FAM114A1: variants seen among roughly 807,000 people sequenced by gnomAD.
FAM114A1 encodes family with sequence similarity 114 member A1, also known as protein NOXP20.
In FAM114A1, 62 loss-of-function variants were observed where a neutral mutation model predicts 64.3. The ratio of observed to expected loss-of-function variants is 0.96; its 90% CI spans 0.79 to 1.19. FAM114A1 has a LOEUF of 1.19. Among genes scored for constraint, FAM114A1 ranks in the 50% most tolerant of loss-of-function variants. FAM114A1 has a pLI of 0.00. For missense variants in FAM114A1, 645 were observed against 676.3 expected, an observed-to-expected ratio of 0.95 and a Z score of 0.51; for synonymous variants, 254 against 251.1, an observed-to-expected ratio of 1.01 and a Z score of -0.11.
intron 7 of FAM114A1, among the ~76,000 whole-genome samples, chr4:38,914,129 A>G (rs1337757286): frequency 1.3e-5 from 2 of 151,984 alleles, no homozygotes; most frequent in African/African-American, 4.8e-5. Flanking sequence ...AAAAAATTAT[A>G]ACTTAGAAAA....
intron 3 of FAM114A1, among the ~76,000 whole-genome samples, chr4:38,886,540 A>G (rs1055898885): frequency 2.0e-5 from 3 of 152,116 alleles, no homozygotes; most frequent in African/African-American, 7.2e-5. Flanking sequence ...TTTGAAAGAC[A>G]CATTTTGTTC....
rs190915511 is a variant in FAM114A1, at chr4:38,900,368, A to G, written c.437-5154A>G. Among the ~76,000 whole-genome samples the G allele has an allele frequency of 2.0e-5, 3 of 152,290 alleles. No homozygotes were observed. In the South Asian group the frequency reaches 6.2e-4, roughly 32 times the overall value. ...TCAAAAAACTAAAAACAGAATTACC[A>G]TATGATCCACCAATTCCACTTCTGA... On this transcript the variant is annotated intron_variant, in intron 4 of 14. Coordinates refer to ENST00000358869, the MANE Select transcript of FAM114A1 (RefSeq NM_138389.4).
At chr4:38,882,234 C>T (rs1470484451) in intron 3 of FAM114A1, among the ~76,000 whole-genome samples, 9 of 140,648 alleles carry the variant, frequency 6.4e-5, no homozygotes, top group African/African-American at 5.4e-5. Flanking sequence ...ATGGCGTGAA[C>T]CCGGGAAGCG....
intron 3 of FAM114A1, among the ~76,000 whole-genome samples, chr4:38,881,067 C>A (rs1715221714): frequency 6.6e-6 from 1 of 151,946 alleles, no homozygotes; most frequent in South Asian, 2.1e-4. Context: ...TGCCTGTAGT[C>A]CCAGCTGCTT....
intron 7 of FAM114A1, among the ~76,000 whole-genome samples, chr4:38,914,250 G>A (rs867384995): frequency 6.6e-6 from 1 of 151,624 alleles, no homozygotes; most frequent in South Asian, 2.1e-4. Context: ...GCTCATTATA[G>A]AAAATTTGGG....
intron 2 of FAM114A1, among the ~76,000 whole-genome samples, chr4:38,871,439 A>G (rs1187373356): frequency 6.6e-6 from 1 of 152,078 alleles, no homozygotes; most frequent in Non-Finnish European, 1.5e-5. Flanking sequence ...TAAAATTTAT[A>G]AATTATCCAT....
In FAM114A1 at chr4:38,932,150, A is replaced by G. The variant is rs914254289; in HGVS notation, c.1324-85A>G. ...TTATATTTGGGGTATTTTTGAAAGAATTATATCACTTCTAATGTCACAGCA... is the reference window on the plus strand; with the variant it reads ...TTATATTTGGGGTATTTTTGAAAGAGTTATATCACTTCTAATGTCACAGCA... On this transcript the variant is annotated intron_variant, in intron 11 of 14. Transcript: ENST00000358869. The G allele has an allele frequency of 2.8e-6, 4 of 1,431,488 alleles. No individual in the cohort carries two copies. The African/African-American group carries it at 5.8e-5, about 21-fold the overall frequency. The allele number at this position is 1,431,488 out of a possible 1,614,324, so 88.7% of individuals were successfully genotyped here. A position where few individuals can be genotyped will look rare whatever the true frequency, so the allele number is the denominator to read the frequency against.
At chr4:38,885,161 G>A (rs7682238) in intron 3 of FAM114A1, among the ~76,000 whole-genome samples, 41,883 of 151,772 alleles carry the variant, frequency 0.28, 6,121 homozygotes, top group African/African-American at 0.31. Context: ...TTTAAGTAGA[G>A]ACCAGGTTTC....
chr4:38,918,438 G>T (rs958914653), intron 8 of FAM114A1, among the ~76,000 whole-genome samples: 22 of 152,148 alleles, frequency 1.4e-4, no homozygotes, highest in African/African-American at 5.3e-4. Context: ...AACAAATGGA[G>T]GCTTAGACTG....
intron 2 of FAM114A1, among the ~76,000 whole-genome samples, chr4:38,870,498 C>G (rs76932950): frequency 0.017 from 2,646 of 152,326 alleles, 33 homozygotes; most frequent in Non-Finnish European, 0.025. Flanking sequence ...TGCTTAAATA[C>G]CTTGCATAGT....
At chr4:38,927,784 A>G (rs1381520113) in intron 9 of FAM114A1, among the ~76,000 whole-genome samples, 1 of 152,184 alleles carries the variant, frequency 6.6e-6, no homozygotes, top group African/African-American at 2.4e-5. Context: ...CCCAGGTTCA[A>G]GTGATTCTCC....
intron 3 of FAM114A1, among the ~76,000 whole-genome samples, chr4:38,879,719 A>G (rs1715016742): frequency 7.2e-6 from 1 of 137,944 alleles, no homozygotes; most frequent in Non-Finnish European, 1.6e-5. Context: ...AGATAGGGTA[A>G]ACATAACACA....
intron 12 of FAM114A1, 55 bp downstream of exon 12, chr4:38,932,429 T>G: frequency 4.1e-6 from 6 of 1,480,224 alleles, no homozygotes; most frequent in Non-Finnish European, 5.5e-6. Flanking sequence ...ATAGGTACCA[T>G]TCAGATACAC....
At chr4:38,934,665 T>C (rs1720934039) in intron 12 of FAM114A1, among the ~76,000 whole-genome samples, 1 of 152,212 alleles carries the variant, frequency 6.6e-6, no homozygotes, top group Non-Finnish European at 1.5e-5. Flanking sequence ...TCATCATCCA[T>C]AGTGTTAGGA....
At chr4:38,874,455 C>A (rs911756185) in intron 2 of FAM114A1, among the ~76,000 whole-genome samples, 3 of 152,106 alleles carry the variant, frequency 2.0e-5, no homozygotes, top group African/African-American at 7.2e-5. Flanking sequence ...TGTTGGCCAC[C>A]TATATGTTTT....
At chr4:38,891,869 A>G (rs1322500007) in intron 4 of FAM114A1, 39 bp downstream of exon 4, 1 of 1,563,410 alleles carries the variant, frequency 6.4e-7, no homozygotes, top group East Asian at 2.3e-5. Flanking sequence ...ACAAAGTACC[A>G]AAGCCTAATA....
rs180884936 is a variant in FAM114A1 at position 38,939,412 on chromosome 4, A to G, written c.1537-1556A>G. On this transcript the variant is annotated intron_variant, in intron 13 of 14. Coordinates refer to ENST00000358869, the MANE Select transcript of FAM114A1 (RefSeq NM_138389.4). ...AGTTAATGAGTGTGTATTGCTCTCT[A>G]GACTCTATTTAAATTGCTTGCATAC... 7.6e-4 allele frequency among the ~76,000 whole-genome samples: 116 copies of G among 152,330 alleles called. 1 individual carries two copies. The Middle Eastern group carries it at 0.034, about 45-fold the overall frequency.
At chr4:38,909,771 T>C (rs1427710087) in intron 7 of FAM114A1, among the ~76,000 whole-genome samples, 1 of 152,220 alleles carries the variant, frequency 6.6e-6, no homozygotes, top group Non-Finnish European at 1.5e-5. Flanking sequence ...GTTGCCTTCA[T>C]GAACAGCTAT....
intron 3 of FAM114A1, among the ~76,000 whole-genome samples, chr4:38,882,305 C>T (rs1418444142): frequency 2.0e-5 from 2 of 99,904 alleles, no homozygotes; most frequent in African/African-American, 8.5e-5. Context: ...GGCGACAGAG[C>T]GAGACTCCGT....
Sources: gnomAD v4.1 joint callset for allele counts (sites outside exome capture counted in the v4.1 genomes callset) on GRCh38, gnomAD v4.1.1 for gene constraint, MANE v1.5 for transcripts, NCBI Gene and HGNC (gene_info 2026-07-23, HGNC 2026-07-21) for gene names.